THOC5: variants seen among roughly 807,000 people sequenced by gnomAD.
The protein encoded by THOC5 is Fms-interacting protein.
A neutral mutation model predicts 92.9 loss-of-function variants in THOC5; 43 were observed. That is an observed-to-expected ratio of 0.46 (90% CI 0.36 to 0.60). The LOEUF is 0.60. Ranked by LOEUF, THOC5 falls within the 20% of genes least tolerant of loss-of-function variation. THOC5 has a pLI of 0.00. For synonymous variants in THOC5, 296 were observed against 320.1 expected (o/e 0.92, Z 0.80); for missense variants, 659 against 849.4 (o/e 0.78, Z 2.79).
chr22:29,544,332 C>G, intron 3 of THOC5, 128 bp downstream of exon 3: 1 of 969,288 alleles, frequency 1.0e-6, no homozygotes, highest in Non-Finnish European at 1.4e-6. Context: ...TTTGGGAGCC[C>G]TCAGGCTCCA....
At position 29,538,800 on chromosome 22, in the gene THOC5, G is replaced by GAAAAAAAAAAAAAAA. The variant is rs1491105374; in HGVS notation, c.599+529_599+530insTTTTTTTTTTTTTTT. On this transcript the variant is annotated intron_variant, in intron 6 of 19. Transcript: ENST00000490103. ...CAATAGAGTGAAACGCCATCTCTTTGGAAAAAAAAAAAAAAAAAAAAAAAA... is the reference window on the plus strand; with the variant it reads ...CAATAGAGTGAAACGCCATCTCTTTGAAAAAAAAAAAAAAAGAAAAAAAAAAAAAAAAAAAAAAAA... 6.1e-5 allele frequency among the ~76,000 whole-genome samples: 2 copies of GAAAAAAAAAAAAAAA among 32,988 alleles called. 1 individual carries two copies. 21.6% of individuals were successfully genotyped at this position (32,988 alleles called of 152,430 possible).
intron 7 of THOC5, 104 bp from the exon 8 acceptor site, chr22:29,532,067 T>C: frequency 7.2e-7 from 1 of 1,386,968 alleles, no homozygotes; most frequent in Non-Finnish European, 9.8e-7. Context: ...AAGTGATACA[T>C]GATAAACTAA....
chr22:29,553,209 G>A (rs2064213671), intron 1 of THOC5, among the ~76,000 whole-genome samples: 1 of 152,138 alleles, frequency 6.6e-6, no homozygotes, highest in African/African-American at 2.4e-5. Flanking sequence ...AATCCCCTCT[G>A]CGAGAAACAC....
intron 12 of THOC5, among the ~76,000 whole-genome samples, chr22:29,524,903 G>A (rs1324051038): frequency 6.6e-6 from 1 of 152,200 alleles, no homozygotes; most frequent in Non-Finnish European, 1.5e-5. Context: ...GGTCAGGGCA[G>A]TGCTCTTGTG....
intron 18 of THOC5, 62 bp downstream of exon 18, chr22:29,511,959 G>T: frequency 7.0e-7 from 1 of 1,428,326 alleles, no homozygotes; most frequent in Non-Finnish European, 9.8e-7. Flanking sequence ...AGTGGGTTCT[G>T]CCACGGCCAC....
At chr22:29,540,654 C>T (rs1013905212) in intron 5 of THOC5, among the ~76,000 whole-genome samples, 5 of 152,194 alleles carry the variant, frequency 3.3e-5, no homozygotes, top group African/African-American at 1.2e-4. Context: ...CAGTGCATCA[C>T]ATTATTTTGT....
At chr22:29,519,148 G>C in intron 14 of THOC5, 28 bp from the exon 15 acceptor site, 4 of 1,502,870 alleles carry the variant, frequency 2.7e-6, no homozygotes, top group Non-Finnish European at 2.8e-6. Context: ...ACACATACAC[G>C]TGTGCTCCCC....
intron 8 of THOC5, 80 bp from the exon 9 acceptor site, chr22:29,529,319 G>T: frequency 6.9e-7 from 1 of 1,439,826 alleles, no homozygotes; most frequent in Non-Finnish European, 9.8e-7. Flanking sequence ...CTCTGGGGCT[G>T]CATTTCTCCC....
rs377158159 is a variant in THOC5 at position 29,549,133 on chromosome 22, C to G, written c.15G>C (p.Ser5=). The change falls in exon 2 of 20, where the codon TCG becomes TCC. Residue 5 remains serine (S), a synonymous_variant. Coordinates refer to ENST00000490103, the MANE Select transcript of THOC5 (RefSeq NM_003678.5). MSSE[S]SKKRKPKVIR... is the part of the protein sequence containing the mutation. ...TCACTTTGGGCTTCCGTTTTTTGCT[C>G]GATTCTGATGACATGGTTGTTCCTC... is the stretch of plus-strand genomic sequence containing the variant. 80 of 1,613,882 alleles carry G rather than the reference C, an allele frequency of 5.0e-5. No individual in the cohort carries two copies. The highest frequency in any genetic ancestry group is 5.9e-5 in the Non-Finnish European group (70 of 1,180,002).
intron 11 of THOC5, among the ~76,000 whole-genome samples, chr22:29,527,866 T>C (rs1454846457): frequency 6.6e-6 from 1 of 152,232 alleles, no homozygotes; most frequent in Non-Finnish European, 1.5e-5. Flanking sequence ...GCTTCTGCCT[T>C]ATGTGACTGG....
At chr22:29,524,913 G>A (rs1395539158) in intron 12 of THOC5, among the ~76,000 whole-genome samples, 1 of 152,170 alleles carries the variant, frequency 6.6e-6, no homozygotes, top group South Asian at 2.1e-4. Flanking sequence ...GTGCTCTTGT[G>A]AATGGAAGCT....
rs770788532 is a variant in THOC5 at position 29,528,158 on chromosome 22, A to G, written c.986T>C (p.Leu329Pro). 6.2e-7 allele frequency: 1 copy of G among 1,614,092 alleles called. No homozygotes were observed. The highest frequency in any genetic ancestry group is 8.5e-7 in the Non-Finnish European group (1 of 1,180,018). ...GCGTTTGTCGTCCAACTGAACCCCC[A>G]GTGTGGGTCTCCGGCGCTTCTGGAC... is the stretch of plus-strand genomic sequence containing the variant. ...EQTTKRRRPTLGVQLDDKRKE... is the reference protein window; with the variant it reads ...EQTTKRRRPTPGVQLDDKRKE... Residue 329 changes from leucine (L) to proline (P), a missense_variant, in exon 11 of 20, where the codon CTG becomes CCG. By Grantham distance (98) the Leu-to-Pro change is moderately conservative. Transcript: ENST00000490103.
intron 5 of THOC5, among the ~76,000 whole-genome samples, chr22:29,540,348 G>A (rs1231828430): frequency 6.6e-6 from 1 of 152,190 alleles, no homozygotes; most frequent in Non-Finnish European, 1.5e-5. Flanking sequence ...AATGATAACG[G>A]CAGCTATCAT....
rs1252230188 is a variant in THOC5 at position 29,528,102 on chromosome 22, C to CA, written c.1041dup (p.Val348CysfsTer10). 3 of 1,614,208 alleles carry CA rather than the reference C, an allele frequency of 1.9e-6. No homozygotes were observed. Among genetic ancestry groups the CA allele is most frequent in the Non-Finnish European group, 2.5e-6 (3 of 1,180,040 alleles). On this transcript the variant is annotated frameshift_variant, in exon 11 of 20. Transcript: ENST00000490103. LOFTEE classifies it high-confidence loss of function. ...CCTTTGCACTTCAGGTCGAGCATGA[C>CA]AGACAGTGGGTGCCTCTTCAGCATC...
chr22:29,545,452 C>A (rs1369692269), intron 2 of THOC5, among the ~76,000 whole-genome samples: 1 of 152,186 alleles, frequency 6.6e-6, no homozygotes, highest in African/African-American at 2.4e-5. Flanking sequence ...AGTCCAAAAT[C>A]TCATCTGAGA....
intron 2 of THOC5, among the ~76,000 whole-genome samples, chr22:29,546,868 C>T (rs2064032868): frequency 6.7e-6 from 1 of 148,166 alleles, no homozygotes; most frequent in African/African-American, 2.5e-5. Context: ...GAGACAAGGT[C>T]TTGCTCTTGT....
intron 1 of THOC5, among the ~76,000 whole-genome samples, chr22:29,549,383 C>T (rs930920251): frequency 6.6e-5 from 10 of 152,160 alleles, no homozygotes; most frequent in African/African-American, 1.9e-4. Context: ...CCACTGACCT[C>T]GGAATCATCT....
chr22:29,511,398 C>G (rs754677671), intron 18 of THOC5, 102 bp from the exon 19 acceptor site: 5 of 1,329,570 alleles, frequency 3.8e-6, no homozygotes, highest in Non-Finnish European at 5.2e-6. Flanking sequence ...GCTGATGCCT[C>G]TGCAGGGGCT....
chr22:29,534,862 G>A (rs935755250), intron 7 of THOC5: 3 of 150,844 alleles, frequency 2.0e-5, no homozygotes, highest in Admixed American at 6.7e-5. Context: ...AGGAGGCTGA[G>A]GCAGGAGAAT....
Sources: gnomAD v4.1 joint callset for allele counts (sites outside exome capture counted in the v4.1 genomes callset) on GRCh38, gnomAD v4.1.1 for gene constraint, MANE v1.5 for transcripts, NCBI Gene and HGNC (gene_info 2026-07-23, HGNC 2026-07-21) for gene names.